The following BBS9 variants were observed in gnomAD, a reference collection of about 807,000 sequenced individuals.
BBS9 encodes protein PTHB1.
BBS9 carries 89 observed loss-of-function variants against 117.7 expected under a neutral mutation model. The ratio of observed to expected loss-of-function variants is 0.76; its 90% CI spans 0.64 to 0.90. The LOEUF is 0.90. Among genes scored for constraint, BBS9 ranks in the 40% least tolerant of loss-of-function variants. BBS9 has a pLI of 0.00. For synonymous variants in BBS9, 379 were observed against 370.9 expected, an observed-to-expected ratio of 1.02 and a Z score of -0.25; for missense variants, 982 against 1,042.2, an observed-to-expected ratio of 0.94 and a Z score of 0.80.
At position 33,468,132 on chromosome 7, in the gene BBS9, G is replaced by C. The variant is rs543303571; in HGVS notation, c.2116-37331G>C. Among the ~76,000 whole-genome samples, 378 of 152,276 alleles carry C rather than the reference G, an allele frequency of 2.5e-3. 3 individuals carry two copies. The highest frequency in any genetic ancestry group is 8.6e-3 in the African/African-American group (359 of 41,570). On this transcript the variant is annotated intron_variant, in intron 19 of 22. Transcript: ENST00000242067. ...GTGTTCTAGAAAATAGTAGGAGGAA[G>C]AAGATGAAAAGAGAGAGATCGGGGG...
intron 5 of BBS9, among the ~76,000 whole-genome samples, chr7:33,224,409 C>A (rs1224700351): frequency 6.6e-6 from 1 of 152,106 alleles, no homozygotes; most frequent in Non-Finnish European, 1.5e-5. Flanking sequence ...ACAGTAATTG[C>A]AAATAATAAT....
At chr7:33,489,079 G>A (rs867135436) in intron 19 of BBS9, among the ~76,000 whole-genome samples, 1 of 140,558 alleles carries the variant, frequency 7.1e-6, no homozygotes, top group African/African-American at 2.7e-5. Flanking sequence ...TGCAACCTCC[G>A]CCTCCTGGAT....
intron 4 of BBS9, among the ~76,000 whole-genome samples, chr7:33,158,262 G>A (rs1794367617): frequency 6.6e-6 from 1 of 152,128 alleles, no homozygotes; most frequent in Admixed American, 6.6e-5. Flanking sequence ...TGATTTTCCA[G>A]AGAATTTTTT....
At chr7:33,269,193 A>C (rs573627673) in intron 7 of BBS9, among the ~76,000 whole-genome samples, 1 of 152,336 alleles carries the variant, frequency 6.6e-6, no homozygotes, top group East Asian at 1.9e-4. Context: ...TGAATACCTA[A>C]GATCATGTCT....
chr7:33,444,259 C>T (rs1337616539), intron 19 of BBS9, among the ~76,000 whole-genome samples: 1 of 152,184 alleles, frequency 6.6e-6, no homozygotes, highest in Non-Finnish European at 1.5e-5. Context: ...GGATCATTCT[C>T]TATTCTTAAA....
chr7:33,582,372 G>C (rs1051167799), intron 21 of BBS9, among the ~76,000 whole-genome samples: 1 of 152,102 alleles, frequency 6.6e-6, no homozygotes, highest in African/African-American at 2.4e-5. Context: ...GTGTCCATCA[G>C]AGGAGGCTGG....
intron 19 of BBS9, among the ~76,000 whole-genome samples, chr7:33,501,674 C>T (rs552002835): frequency 1.8e-4 from 27 of 152,242 alleles, no homozygotes; most frequent in Non-Finnish European, 2.9e-4. Context: ...TAGTGAGGAA[C>T]GTGTGTAAAA....
chr7:33,530,656 T>G (rs1326266046), intron 20 of BBS9, among the ~76,000 whole-genome samples: 1 of 152,216 alleles, frequency 6.6e-6, no homozygotes, highest in Non-Finnish European at 1.5e-5. Flanking sequence ...GATATTAGTC[T>G]AGTTTAGATT....
chr7:33,549,149 C>T (rs1416582718), intron 21 of BBS9, among the ~76,000 whole-genome samples: 2 of 140,952 alleles, frequency 1.4e-5, no homozygotes, highest in East Asian at 4.0e-4. Flanking sequence ...TGATCTTTGA[C>T]AAACCTGAGA....
chr7:33,169,581 A>G lies in BBS9; in HGVS notation c.329-7897A>G, dbSNP rs1459543006. On this transcript the variant is annotated intron_variant, in intron 4 of 22. Transcript: ENST00000242067. ...GGCCAGTGATGGTGAGCATTTTTTC[A>G]TGTGTTTTTTGGCTGCATAAATGTC... Among the ~76,000 whole-genome samples the G allele has an allele frequency of 4.1e-3, 612 of 149,030 alleles. 2 individuals are homozygous for G. Among genetic ancestry groups the G allele is most frequent in the African/African-American group, 0.015 (596 of 40,700 alleles).
At chr7:33,506,975 T>A (rs1484338212) in intron 20 of BBS9, among the ~76,000 whole-genome samples, 1 of 152,184 alleles carries the variant, frequency 6.6e-6, no homozygotes, top group Non-Finnish European at 1.5e-5. Context: ...TCAAACAGGT[T>A]TGGGTGACTT....
intron 19 of BBS9, among the ~76,000 whole-genome samples, chr7:33,480,826 G>A (rs1056452681): frequency 6.6e-6 from 1 of 152,160 alleles, no homozygotes; most frequent in Non-Finnish European, 1.5e-5. Context: ...CTGGTGGGAA[G>A]TGATTGGATC....
chr7:33,443,385 C>G (rs745487048), intron 19 of BBS9, among the ~76,000 whole-genome samples: 5 of 152,158 alleles, frequency 3.3e-5, no homozygotes, highest in Non-Finnish European at 5.9e-5. Flanking sequence ...CTGGGATTCT[C>G]TTAAATCCAG....
At position 33,594,937 on chromosome 7, in the gene BBS9, A is replaced by G. The variant is rs187254304; in HGVS notation, c.2522-9928A>G. Among the ~76,000 whole-genome samples the G allele has an allele frequency of 6.8e-3, 1,037 of 152,276 alleles. 4 individuals carry two copies. The highest frequency in any genetic ancestry group is 0.018 in the South Asian group (87 of 4,826). The stretch of plus-strand genomic sequence containing the variant: ...CATTTCATCTTGGACAAACCTGAAA[A>G]AAACAAGCAATGGGGAAAGGATTTA... On this transcript the variant is annotated intron_variant, in intron 21 of 22. Transcript: ENST00000242067.
At chr7:33,325,982 A>C (rs1812741339) in intron 9 of BBS9, among the ~76,000 whole-genome samples, 1 of 152,046 alleles carries the variant, frequency 6.6e-6, no homozygotes. Context: ...TCTCATAACC[A>C]CTGCCTGGCT....
chr7:33,607,280 A>G (rs1275684055), downstream of BBS9, among the ~76,000 whole-genome samples: 1 of 152,100 alleles, frequency 6.6e-6, no homozygotes, highest in Non-Finnish European at 1.5e-5. Flanking sequence ...CTAATTTAGT[A>G]TTTCAGTTTA....
intron 7 of BBS9, among the ~76,000 whole-genome samples, chr7:33,266,661 A>C (rs1464960706): frequency 6.6e-6 from 1 of 152,104 alleles, no homozygotes. Context: ...TTAGTTATTG[A>C]GAGAGGGGTA....
At chr7:33,534,207 A>G in intron 21 of BBS9, 31 bp downstream of exon 21, 1 of 1,594,464 alleles carries the variant, frequency 6.3e-7, no homozygotes, top group South Asian at 1.1e-5. Context: ...CCCTAATCAC[A>G]ATTGTACTTC....
intron 5 of BBS9, among the ~76,000 whole-genome samples, chr7:33,252,548 C>G (rs1796380482): frequency 6.6e-6 from 1 of 151,932 alleles, no homozygotes; most frequent in South Asian, 2.1e-4. Context: ...CTGAGAAGTT[C>G]CTAGGTGATG....
Sources: allele counts gnomAD v4.1 joint callset (sites outside exome capture counted in the v4.1 genomes callset), GRCh38; gene constraint gnomAD v4.1.1; transcripts MANE v1.5; gene names NCBI Gene and HGNC (gene_info 2026-07-23, HGNC 2026-07-21).